KCNG3: variants seen among roughly 807,000 people sequenced by gnomAD.
KCNG3 encodes the protein voltage-gated potassium channel regulatory subunit KCNG3.
KCNG3 carries 15 observed loss-of-function variants against 29.0 expected under a neutral mutation model. That is an observed-to-expected ratio of 0.52 (90% confidence interval 0.35 to 0.80). KCNG3 has a LOEUF of 0.80. KCNG3 is among the 30% of genes least tolerant of loss of function. The pLI is 0.01. For synonymous variants in KCNG3, 322 were observed against 248.9 expected, an observed-to-expected ratio of 1.29 and a Z score of -2.76; for missense variants, 512 against 605.7, an observed-to-expected ratio of 0.85 and a Z score of 1.62.
At chr2:42,460,757 C>G (rs1011214304) in intron 1 of KCNG3, among the ~76,000 whole-genome samples, 1 of 152,048 alleles carries the variant, frequency 6.6e-6, no homozygotes, top group Non-Finnish European at 1.5e-5. Context: ...GGGCCACTGA[C>G]CAGTGTTTAG....
At chr2:42,449,262 T>G (rs1672685518) in intron 1 of KCNG3, among the ~76,000 whole-genome samples, 1 of 152,032 alleles carries the variant, frequency 6.6e-6, no homozygotes, top group South Asian at 2.1e-4. Context: ...TCTTAATGAT[T>G]GGGGGAAAAA....
At chr2:42,440,130 C>T (rs531285711), downstream of KCNG3, among the ~76,000 whole-genome samples, 12 of 152,182 alleles carry the variant, frequency 7.9e-5, 1 homozygote, top group Admixed American at 2.6e-4. Context: ...ATATTTGGAT[C>T]GGACAAAAGG....
the KCNG3 span, among the ~76,000 whole-genome samples, chr2:42,422,536 A>G: frequency 6.6e-6 from 1 of 152,130 alleles, no homozygotes; most frequent in African/African-American, 2.4e-5. Flanking sequence ...TCCCAACTTA[A>G]AATCAGTGTG....
chr2:42,423,084 C>T, the KCNG3 span, among the ~76,000 whole-genome samples: 1 of 152,214 alleles, frequency 6.6e-6, no homozygotes, highest in African/African-American at 2.4e-5. Context: ...AGAACCTCTC[C>T]CCAGTGCACA....
chr2:42,439,099 G>T, downstream of KCNG3, among the ~76,000 whole-genome samples: 1 of 152,074 alleles, frequency 6.6e-6, no homozygotes, highest in East Asian at 1.9e-4. Context: ...GGATACATGT[G>T]GATGAGTGCA....
chr2:42,430,936 C>T, the KCNG3 span, among the ~76,000 whole-genome samples: 1 of 151,794 alleles, frequency 6.6e-6, no homozygotes, highest in Admixed American at 6.6e-5. Flanking sequence ...ATGGTGAAAC[C>T]CTGTCTCTAC....
chr2:42,404,639 G>A, the KCNG3 span, among the ~76,000 whole-genome samples: 1 of 152,052 alleles, frequency 6.6e-6, no homozygotes, highest in African/African-American at 2.4e-5. Context: ...GAAGTGGGAG[G>A]ATTGCTTCAG....
chr2:42,428,459 G>GAAAAAAAAAAA, the KCNG3 span, among the ~76,000 whole-genome samples: 1 of 123,686 alleles, frequency 8.1e-6, no homozygotes, highest in Non-Finnish European at 1.7e-5. Context: ...CCGGTCTCGG[G>GAAAAAAAAAAA]AAAAAAAAAA....
chr2:42,405,890 G>A, the KCNG3 span, among the ~76,000 whole-genome samples: 2 of 152,154 alleles, frequency 1.3e-5, no homozygotes, highest in Non-Finnish European at 2.9e-5. Context: ...ACAGGTGTGA[G>A]CCACCGCACC....
intron 1 of KCNG3, among the ~76,000 whole-genome samples, chr2:42,455,790 A>T (rs989959534): frequency 2.6e-5 from 4 of 151,712 alleles, no homozygotes; most frequent in African/African-American, 9.7e-5. Context: ...AAAAATTAAA[A>T]ATTAAAAAAT....
chr2:42,475,102 A>G (rs1256511172), intron 1 of KCNG3, among the ~76,000 whole-genome samples: 1 of 152,186 alleles, frequency 6.6e-6, no homozygotes, highest in Non-Finnish European at 1.5e-5. Context: ...ATATATTTTG[A>G]TACTTGAAAT....
At chr2:42,468,294 T>A (rs947812252) in intron 1 of KCNG3, among the ~76,000 whole-genome samples, 1 of 152,062 alleles carries the variant, frequency 6.6e-6, no homozygotes, top group Non-Finnish European at 1.5e-5. Flanking sequence ...ATTATTAGAA[T>A]AAATGAAAAG....
intron 1 of KCNG3, among the ~76,000 whole-genome samples, chr2:42,471,501 C>G (rs545790310): frequency 6.6e-6 from 1 of 151,980 alleles, no homozygotes; most frequent in Non-Finnish European, 1.5e-5. Flanking sequence ...GGAGGGGGAA[C>G]AGGGTGTGAC....
chr2:42,438,518 G>C (rs1558370075), downstream of KCNG3, among the ~76,000 whole-genome samples: 1 of 152,070 alleles, frequency 6.6e-6, no homozygotes, highest in Non-Finnish European at 1.5e-5. Context: ...TGTTATATTT[G>C]GTATAGTCTT....
chr2:42,489,220 G>A (rs1370984088), intron 1 of KCNG3, among the ~76,000 whole-genome samples: 2 of 151,880 alleles, frequency 1.3e-5, no homozygotes, highest in Non-Finnish European at 2.9e-5. Context: ...GAGACCCCAT[G>A]TCTACAAAAA....
chr2:42,478,073 T>C (rs962881181), intron 1 of KCNG3, among the ~76,000 whole-genome samples: 12 of 152,112 alleles, frequency 7.9e-5, no homozygotes, highest in Non-Finnish European at 1.6e-4. Context: ...CTACTTGTTA[T>C]AGGTGTCCAC....
chr2:42,419,319 C>T, the KCNG3 span, among the ~76,000 whole-genome samples: 2 of 141,390 alleles, frequency 1.4e-5, no homozygotes, highest in Non-Finnish European at 3.0e-5. Flanking sequence ...CTCACTGCAA[C>T]CTCTGCCTCC....
intron 1 of KCNG3, among the ~76,000 whole-genome samples, chr2:42,458,267 G>T (rs1448452966): frequency 1.3e-5 from 2 of 152,116 alleles, no homozygotes; most frequent in Non-Finnish European, 2.9e-5. Flanking sequence ...TATTCCGTCG[G>T]ATCTCTTTTC....
intron 1 of KCNG3, among the ~76,000 whole-genome samples, chr2:42,474,359 C>T (rs1320371374): frequency 6.6e-6 from 1 of 151,890 alleles, no homozygotes; most frequent in Admixed American, 6.6e-5. Flanking sequence ...GAAACCCTGT[C>T]TCTACTAAAA....
Sources: allele counts gnomAD v4.1 joint callset (sites outside exome capture counted in the v4.1 genomes callset), GRCh38; gene constraint gnomAD v4.1.1; transcripts MANE v1.5; gene names NCBI Gene and HGNC (gene_info 2026-07-23, HGNC 2026-07-21).